Variants in PTPRN2 observed in about 807,000 individuals in gnomAD.
PTPRN2 encodes the protein receptor-type tyrosine-protein phosphatase N2.
In PTPRN2, 74 loss-of-function variants were observed where a neutral mutation model predicts 118.8. That is an observed-to-expected ratio of 0.62 (90% CI 0.52 to 0.76). PTPRN2 has a LOEUF of 0.76. Among genes scored for constraint, PTPRN2 ranks in the 30% least tolerant of loss-of-function variants. The pLI is 0.00. For missense variants in PTPRN2, 1,481 were observed against 1,394.4 expected (o/e 1.06, Z -0.99); for synonymous variants, 641 against 608.0 (o/e 1.05, Z -0.80).
rs146565241 is a variant in PTPRN2 at position 158,398,293 on chromosome 7, A to G, written c.164-81361T>C. Among the ~76,000 whole-genome samples, 220 of 152,308 alleles carry G rather than the reference A, an allele frequency of 1.4e-3. 1 individual carries two copies. The highest frequency in any genetic ancestry group is 4.9e-3 in the African/African-American group (204 of 41,558). On this transcript the variant is annotated intron_variant, in intron 2 of 22. Coordinates refer to ENST00000389418, the MANE Select transcript of PTPRN2 (RefSeq NM_002847.5). ...GTATGCCCAGTAAATGCTAGATATT[A>G]TTATCCCACTAGACACTGAAAACGG...
chr7:157,703,791 C>G (rs1191329693), intron 12 of PTPRN2, among the ~76,000 whole-genome samples: 1 of 152,210 alleles, frequency 6.6e-6, no homozygotes, highest in Non-Finnish European at 1.5e-5. Flanking sequence ...CCGAGACTGG[C>G]AGGTCAGGAG....
chr7:158,195,101 G>A lies in PTPRN2; in HGVS notation c.381-2606C>T, dbSNP rs6972865. On this transcript the variant is annotated intron_variant, in intron 4 of 22. Coordinates refer to ENST00000389418, the MANE Select transcript of PTPRN2 (RefSeq NM_002847.5). ...CACCTTTCCCTTCTGCCAGAACGGCGGCTTTACCAGCCCTGGTCATGGAGC... is the reference window on the plus strand; with the variant it reads ...CACCTTTCCCTTCTGCCAGAACGGCAGCTTTACCAGCCCTGGTCATGGAGC... Among the ~76,000 whole-genome samples, 1,358 of 152,262 alleles carry A rather than the reference G, an allele frequency of 8.9e-3. 24 individuals carry two copies. Among genetic ancestry groups the A allele is most frequent in the African/African-American group, 0.031 (1,280 of 41,544 alleles).
chr7:158,045,263 G>T (rs1808756764), intron 11 of PTPRN2, among the ~76,000 whole-genome samples: 1 of 152,338 alleles, frequency 6.6e-6, no homozygotes, highest in South Asian at 2.1e-4. Flanking sequence ...AATCCGTGAG[G>T]CTGAGCTAGC....
rs1456756792 is a variant in PTPRN2 at position 157,787,120 on chromosome 7, CGGGGG to C, written c.1789-104188_1789-104184del. 1.4e-3 allele frequency among the ~76,000 whole-genome samples: 111 copies of C among 79,588 alleles called. 1 individual carries two copies. Among genetic ancestry groups the C allele is most frequent in the Middle Eastern group, 5.6e-3 (1 of 180 alleles). The allele number at this position is 79,588 out of a possible 152,430, so 52.2% of individuals were successfully genotyped here. ...GCCCGGGAGGCGGACGCGGGTGCGG[CGGGGG>C]ACGCGGGGGTGGCTGCCCGGGAGGC... On this transcript the variant is annotated intron_variant, in intron 12 of 22. Coordinates refer to ENST00000389418, the MANE Select transcript of PTPRN2 (RefSeq NM_002847.5). The surrounding 1 kb of genome is among the most constrained non-coding windows in gnomAD (Gnocchi z 5.3).
In PTPRN2 at chr7:158,081,371, G is replaced by A. The variant is rs145797552; in HGVS notation, c.1650C>T (p.Leu550=). ...PSSAFADVEV[L]GPAVTFKVSA... ...TCACTTTGAAGGTCACTGCTGGTCC[G>A]AGAACCCTGGAAGGGATAATTTAAA... Residue 550 remains leucine, a synonymous_variant, in exon 11 of 23, where the codon CTC becomes CTT. Coordinates refer to ENST00000389418, the MANE Select transcript of PTPRN2 (RefSeq NM_002847.5). 279 of 1,614,014 alleles carry A rather than the reference G, an allele frequency of 1.7e-4. 1 individual carries two copies. The South Asian group carries it at 2.7e-3, about 16-fold the overall frequency.
rs1042220489 is a variant in PTPRN2, at chr7:158,166,933, T to C, written c.908A>G (p.Asp303Gly). 14 of 1,426,036 alleles carry C rather than the reference T, an allele frequency of 9.8e-6. No homozygotes were observed. Among genetic ancestry groups the C allele is most frequent in the South Asian group, 3.2e-5 (2 of 62,680 alleles). The allele number at this position is 1,426,036 out of a possible 1,614,324, so 88.3% of individuals were successfully genotyped here. ...GDSEDPSSTG[D>G]GARIHTLLKD... ...AACACCAAGCGGGGCTGGCTCACCA[T>C]CGCCTGTGCTGGAGGGGTCTTCGGA... Residue 303 changes from aspartate to glycine, a missense_variant and splice_region_variant, in exon 6 of 23, where the codon GAT (aspartate) becomes GGT (glycine). Asp to Gly is a moderately conservative substitution (Grantham distance 94). Transcript: ENST00000389418.
chr7:157,692,647 G>T (rs757487589), intron 12 of PTPRN2, among the ~76,000 whole-genome samples: 1 of 152,222 alleles, frequency 6.6e-6, no homozygotes, highest in Admixed American at 6.5e-5. Context: ...GCCTCGCATC[G>T]GGCCATGGTT....
chr7:158,196,723 C>G (rs558346597), intron 4 of PTPRN2, among the ~76,000 whole-genome samples: 1 of 152,222 alleles, frequency 6.6e-6, no homozygotes, highest in African/African-American at 2.4e-5. Flanking sequence ...CAATCCAGTG[C>G]CCCCGATGCC....
At chr7:158,505,805 T>C (rs1378196872) in intron 1 of PTPRN2, among the ~76,000 whole-genome samples, 1 of 152,196 alleles carries the variant, frequency 6.6e-6, no homozygotes, top group Non-Finnish European at 1.5e-5. Context: ...GCCATCACCA[T>C]GCCCTGCGTC....
At chr7:158,278,058 C>A (rs112289379) in intron 3 of PTPRN2, among the ~76,000 whole-genome samples, 3 of 152,284 alleles carry the variant, frequency 2.0e-5, no homozygotes, top group African/African-American at 7.2e-5. Context: ...ATCCAAGGCC[C>A]GGGGTGGCCG....
intron 1 of PTPRN2, among the ~76,000 whole-genome samples, chr7:158,505,716 C>T (rs961491114): frequency 8.5e-5 from 11 of 129,550 alleles, no homozygotes; most frequent in African/African-American, 3.2e-4. Flanking sequence ...AACGGAGGAG[C>T]CGGGGTGGGA....
At chr7:157,673,606 G>C (rs1796516774) in intron 13 of PTPRN2, among the ~76,000 whole-genome samples, 1 of 151,956 alleles carries the variant, frequency 6.6e-6, no homozygotes, top group South Asian at 2.1e-4. Flanking sequence ...CTCTCTCTCT[G>C]AGCTCAGGCC....
intron 15 of PTPRN2, among the ~76,000 whole-genome samples, chr7:157,612,260 C>T (rs1452882582): frequency 1.3e-5 from 2 of 152,180 alleles, no homozygotes; most frequent in South Asian, 2.1e-4. Context: ...GCGACTTTCT[C>T]GCAGGAACTA....
intron 2 of PTPRN2, among the ~76,000 whole-genome samples, chr7:158,397,347 C>G (rs960641233): frequency 6.6e-6 from 1 of 152,202 alleles, no homozygotes; most frequent in Admixed American, 6.5e-5. Flanking sequence ...CAGACACCCT[C>G]AGCGGTTGTG....
chr7:157,972,583 C>T (rs1195310971), intron 11 of PTPRN2, among the ~76,000 whole-genome samples: 4 of 21,378 alleles, frequency 1.9e-4, no homozygotes, highest in African/African-American at 4.7e-4. Flanking sequence ...TCAGAGACCA[C>T]GGGAACTCCA....
intron 3 of PTPRN2, among the ~76,000 whole-genome samples, chr7:158,292,985 T>C (rs1184133731): frequency 1.3e-5 from 2 of 151,982 alleles, no homozygotes; most frequent in Non-Finnish European, 2.9e-5. Context: ...GGAGAATCAC[T>C]TGAACCACGG....
At chr7:158,112,560 A>T (rs11973738) in intron 9 of PTPRN2, among the ~76,000 whole-genome samples, 1 of 152,106 alleles carries the variant, frequency 6.6e-6, no homozygotes, top group Non-Finnish European at 1.5e-5. Context: ...GTCCGCTGGC[A>T]CTGGGAAAAC....
chr7:158,149,240 A>T (rs941760590), intron 6 of PTPRN2, among the ~76,000 whole-genome samples: 1 of 151,842 alleles, frequency 6.6e-6, no homozygotes, highest in African/African-American at 2.4e-5. Flanking sequence ...GCTGGCACCA[A>T]TTATAGTACA....
At chr7:158,365,704 GCACACGCACA>G (rs1360249501) in intron 2 of PTPRN2, among the ~76,000 whole-genome samples, 19 of 144,148 alleles carry the variant, frequency 1.3e-4, no homozygotes, top group African/African-American at 5.2e-4. Flanking sequence ...ATGCACACAT[GCACACGCACA>G]CACACCCACA....
Sources: allele counts gnomAD v4.1 joint callset (sites outside exome capture counted in the v4.1 genomes callset), GRCh38; gene constraint gnomAD v4.1.1; non-coding constraint Gnocchi (gnomAD v3.1); transcripts MANE v1.5; gene names NCBI Gene and HGNC (gene_info 2026-07-23, HGNC 2026-07-21).